The following CAMKK2 variants were observed in gnomAD, a reference collection of about 807,000 sequenced individuals.
CAMKK2 encodes calcium/calmodulin dependent protein kinase kinase 2, also known as calcium/calmodulin-dependent protein kinase kinase 2.
A neutral mutation model predicts 67.2 loss-of-function variants in CAMKK2; 30 were observed. The observed-to-expected ratio is 0.45, with a 90% CI of 0.33 to 0.61. The LOEUF (loss-of-function observed/expected upper bound fraction) is 0.61. Ranked by LOEUF, CAMKK2 falls within the 20% of genes least tolerant of loss-of-function variation. CAMKK2 has a pLI of 0.02. For synonymous variants in CAMKK2, 322 were observed against 326.2 expected (o/e 0.99, Z 0.14); for missense variants, 643 against 802.0 (o/e 0.80, Z 2.39).
chr12:121,239,085 T>C lies in CAMKK2; in HGVS notation c.*1614A>G, dbSNP rs925120410. On this transcript the variant is annotated 3_prime_UTR_variant, in exon 17 of 17. Transcript: ENST00000404169. Reference sequence around the variant, plus strand: ...ACTACAGTCAAGAGCTTAGGATCTATGGAAGCCAAGAAGGCCCAGGGCTCC... The same window carrying C: ...ACTACAGTCAAGAGCTTAGGATCTACGGAAGCCAAGAAGGCCCAGGGCTCC... 1 of 152,304 alleles carries C rather than the reference T, an allele frequency of 6.6e-6. No homozygotes were observed. Among genetic ancestry groups the C allele is most frequent in the African/African-American group, 2.4e-5 (1 of 41,474 alleles). The allele number at this position is 152,304 out of a possible 1,614,324, so 9.4% of individuals were successfully genotyped here. A position where few individuals can be genotyped will look rare whatever the true frequency, so the allele number is the denominator to read the frequency against.
At chr12:121,248,283 C>T (rs1889912630) in intron 14 of CAMKK2, among the ~76,000 whole-genome samples, 1 of 152,216 alleles carries the variant, frequency 6.6e-6, no homozygotes, top group Admixed American at 6.5e-5. Flanking sequence ...GGCGGGAATC[C>T]TGGCTTAGAG....
intron 5 of CAMKK2, among the ~76,000 whole-genome samples, chr12:121,265,368 T>G (rs1894323083): frequency 6.9e-6 from 1 of 145,868 alleles, no homozygotes; most frequent in African/African-American, 2.6e-5. Context: ...AAAGTGGTAG[T>G]GTGTGTCCAC....
chr12:121,282,627 A>G (rs1185725294), intron 1 of CAMKK2, among the ~76,000 whole-genome samples: 1 of 152,008 alleles, frequency 6.6e-6, no homozygotes, highest in Non-Finnish European at 1.5e-5. Context: ...ATCAACAACC[A>G]CCAGCAGCCA....
At chr12:121,270,306 G>A (rs1381725027) in intron 3 of CAMKK2, among the ~76,000 whole-genome samples, 2 of 151,578 alleles carry the variant, frequency 1.3e-5, no homozygotes, top group African/African-American at 4.9e-5. Context: ...GGAGGCAGAG[G>A]TTGCAGTGAG....
At chr12:121,288,329 T>TC (rs1248105644) in intron 1 of CAMKK2, among the ~76,000 whole-genome samples, 2 of 152,068 alleles carry the variant, frequency 1.3e-5, no homozygotes, top group Non-Finnish European at 2.9e-5. Context: ...CCCCTCTCCC[T>TC]CCCTCCTCCC....
chr12:121,263,978 A>G (rs201438343), intron 5 of CAMKK2, 39 bp from the exon 6 acceptor site: 2 of 1,522,570 alleles, frequency 1.3e-6, no homozygotes, highest in Non-Finnish European at 1.8e-6. Context: ...CAGGGCAAAG[A>G]GACTTTCCTC....
intron 1 of CAMKK2, among the ~76,000 whole-genome samples, chr12:121,293,470 G>T (rs570963642): frequency 1.7e-4 from 24 of 144,158 alleles, no homozygotes; most frequent in African/African-American, 6.8e-4. Flanking sequence ...CAGCCTCTCT[G>T]AGCCCTTCAT....
chr12:121,286,806 C>T (rs1197199246), intron 1 of CAMKK2, among the ~76,000 whole-genome samples: 1 of 152,178 alleles, frequency 6.6e-6, no homozygotes, highest in East Asian at 1.9e-4. Flanking sequence ...CTGAGTGCTT[C>T]AGGAGGGCAC....
chr12:121,241,274 G>A (rs964151557), intron 16 of CAMKK2, among the ~76,000 whole-genome samples: 8 of 152,160 alleles, frequency 5.3e-5, no homozygotes, highest in Non-Finnish European at 1.0e-4. Context: ...GGACTGTGAC[G>A]CTTGTCCTCA....
chr12:121,261,458 C>G (rs991228392), intron 6 of CAMKK2, among the ~76,000 whole-genome samples: 1 of 152,172 alleles, frequency 6.6e-6, no homozygotes, highest in East Asian at 1.9e-4. Flanking sequence ...ACAAATGCAG[C>G]CTCCCTGGCT....
chr12:121,270,986 T>C, intron 2 of CAMKK2, 41 bp from the exon 3 acceptor site: 3 of 1,575,142 alleles, frequency 1.9e-6, no homozygotes, highest in Non-Finnish European at 2.6e-6. Flanking sequence ...GAATTTTAAG[T>C]TTGCAACTAG....
At chr12:121,241,520 C>A (rs1416532454) in intron 16 of CAMKK2, among the ~76,000 whole-genome samples, 3 of 152,372 alleles carry the variant, frequency 2.0e-5, no homozygotes, top group South Asian at 4.1e-4. Context: ...CAGGCTGGAG[C>A]CGCCGGTGTG....
intron 1 of CAMKK2, among the ~76,000 whole-genome samples, chr12:121,292,678 A>C (rs1228241936): frequency 6.6e-6 from 1 of 152,172 alleles, no homozygotes; most frequent in African/African-American, 2.4e-5. Context: ...ATGGAAGAAA[A>C]ATAGCAGTAG....
At chr12:121,247,398 T>C (rs1889709572) in intron 14 of CAMKK2, among the ~76,000 whole-genome samples, 1 of 152,192 alleles carries the variant, frequency 6.6e-6, no homozygotes, top group African/African-American at 2.4e-5. Context: ...AATGAATGCC[T>C]ACTCCAGACC....
At chr12:121,277,985 A>G (rs962177016) in intron 1 of CAMKK2, among the ~76,000 whole-genome samples, 1 of 152,142 alleles carries the variant, frequency 6.6e-6, no homozygotes, top group African/African-American at 2.4e-5. Flanking sequence ...AAATAAATAA[A>G]AAGTGTTTTA....
chr12:121,249,493 G>C (rs979600576), intron 13 of CAMKK2, among the ~76,000 whole-genome samples: 1 of 152,178 alleles, frequency 6.6e-6, no homozygotes, highest in Non-Finnish European at 1.5e-5. Flanking sequence ...ATAGGGTGTG[G>C]AGCACGGAGG....
intron 14 of CAMKK2, among the ~76,000 whole-genome samples, chr12:121,248,302 T>C: frequency 6.6e-6 from 1 of 152,224 alleles, no homozygotes. Flanking sequence ...AGACCTGGGC[T>C]CCGGCTCCCA....
At position 121,289,354 on chromosome 12, in the gene CAMKK2, G is replaced by A. The variant is rs1234941485; in HGVS notation, c.-60+7284C>T. ...CATTTGGATCACTAACGTCCCCAACGGGGAAAGCAGCAGCCAGGGGTCTTC... is the reference window on the plus strand; with the variant it reads ...CATTTGGATCACTAACGTCCCCAACAGGGAAAGCAGCAGCCAGGGGTCTTC... On this transcript the variant is annotated intron_variant, in intron 1 of 16. Transcript: ENST00000404169. Among the ~76,000 whole-genome samples the A allele has an allele frequency of 3.9e-5, 6 of 152,100 alleles. 1 individual carries two copies. The highest frequency in any genetic ancestry group is 8.8e-5 in the Non-Finnish European group (6 of 68,012).
intron 1 of CAMKK2, among the ~76,000 whole-genome samples, chr12:121,288,452 A>C (rs145881847): frequency 7.2e-5 from 11 of 152,292 alleles, no homozygotes; most frequent in African/African-American, 2.4e-4. Context: ...CCACACCTGG[A>C]CCTAGAGGGC....
Sources: allele counts gnomAD v4.1 joint callset (sites outside exome capture counted in the v4.1 genomes callset), GRCh38; gene constraint gnomAD v4.1.1; transcripts MANE v1.5; gene names NCBI Gene and HGNC (gene_info 2026-07-23, HGNC 2026-07-21).